The following MCF2L2 variants were observed in gnomAD, a reference collection of about 807,000 sequenced individuals.
MCF2L2 encodes probable guanine nucleotide exchange factor MCF2L2.
A neutral mutation model predicts 150.2 loss-of-function variants in MCF2L2; 102 were observed. The ratio of observed to expected loss-of-function variants is 0.68; its 90% CI spans 0.58 to 0.80. MCF2L2 has a LOEUF of 0.80. MCF2L2 is among the 30% of genes least tolerant of loss of function. The pLI is 0.00. For missense variants in MCF2L2, 1,256 were observed against 1,372.8 expected (o/e 0.91, Z 1.34); for synonymous variants, 465 against 491.3 (o/e 0.95, Z 0.71).
chr3:183,387,155 C>T (rs956903579), intron 2 of MCF2L2, among the ~76,000 whole-genome samples: 2 of 151,704 alleles, frequency 1.3e-5, no homozygotes, highest in Admixed American at 6.6e-5. Context: ...TCTCAGTTAA[C>T]TCAGGAGGCT....
chr3:183,353,559 GC>G (rs563510562), intron 3 of MCF2L2, among the ~76,000 whole-genome samples: 54 of 152,336 alleles, frequency 3.5e-4, no homozygotes, highest in African/African-American at 1.2e-3. Flanking sequence ...GGAAGGCAAA[GC>G]GGGGCAGGCA....
At position 183,395,518 on chromosome 3, in the gene MCF2L2, C is replaced by A. The variant is rs114458315; in HGVS notation, c.77-5739G>T. 5.4e-3 allele frequency among the ~76,000 whole-genome samples: 829 copies of A among 152,240 alleles called. 2 individuals carry two copies. Among genetic ancestry groups the A allele is most frequent in the African/African-American group, 0.019 (793 of 41,540 alleles). On this transcript the variant is annotated intron_variant, in intron 1 of 29. Transcript: ENST00000328913. The stretch of plus-strand genomic sequence containing the variant: ...GCCTTTATTTTTTATGCTATTGGTA[C>A]TTTATTGAAGTATAATTTACATGCA...
chr3:183,339,379 CTGT>C (rs1398182841), intron 4 of MCF2L2, among the ~76,000 whole-genome samples: 1 of 152,030 alleles, frequency 6.6e-6, no homozygotes, highest in Admixed American at 6.6e-5. Context: ...GCTTTTATTC[CTGT>C]TATTAATAAA....
At chr3:183,381,645 G>A (rs998032940) in intron 2 of MCF2L2, among the ~76,000 whole-genome samples, 3 of 152,174 alleles carry the variant, frequency 2.0e-5, no homozygotes, top group Admixed American at 2.0e-4. Flanking sequence ...ACCAATTGCT[G>A]TAGAACGAAA....
intron 15 of MCF2L2, among the ~76,000 whole-genome samples, chr3:183,252,053 G>T (rs538430232): frequency 1.8e-4 from 27 of 149,336 alleles, no homozygotes; most frequent in Admixed American, 4.7e-4. Flanking sequence ...CCACTGTTTT[G>T]GTCAGTTTGT....
intron 21 of MCF2L2, among the ~76,000 whole-genome samples, chr3:183,217,632 G>T (rs539676689): frequency 1.3e-5 from 2 of 152,274 alleles, no homozygotes; most frequent in South Asian, 4.1e-4. Context: ...CATAGAGGCT[G>T]CTAAGTGGAA....
chr3:183,296,899 T>C (rs1728536187), intron 12 of MCF2L2, 77 bp downstream of exon 12: 13 of 1,479,350 alleles, frequency 8.8e-6, no homozygotes, highest in Non-Finnish European at 1.2e-5. Flanking sequence ...GTGTGTACTT[T>C]ATCAGGAAGA....
chr3:183,368,791 C>T (rs1577097927), intron 3 of MCF2L2, among the ~76,000 whole-genome samples: 1 of 152,208 alleles, frequency 6.6e-6, no homozygotes, highest in East Asian at 1.9e-4. Context: ...TATTTTTCCT[C>T]TCTGGTTCTT....
intron 22 of MCF2L2, among the ~76,000 whole-genome samples, chr3:183,209,109 T>C (rs1320536654): frequency 6.6e-6 from 1 of 152,248 alleles, no homozygotes; most frequent in African/African-American, 2.4e-5. Context: ...GAAGGGTGGA[T>C]AGGTCCATGA....
intron 15 of MCF2L2, among the ~76,000 whole-genome samples, chr3:183,231,443 T>C (rs1723554948): frequency 6.7e-6 from 1 of 149,156 alleles, no homozygotes. Context: ...TCCAGCTTTC[T>C]GCTCACATCA....
chr3:183,207,552 C>G, intron 23 of MCF2L2, 56 bp downstream of exon 23: 1 of 1,357,140 alleles, frequency 7.4e-7, no homozygotes, highest in Non-Finnish European at 1.0e-6. Flanking sequence ...ATAAGGAAAA[C>G]GATCTCTCTC....
At chr3:183,229,980 G>A (rs1432786014) in intron 16 of MCF2L2, among the ~76,000 whole-genome samples, 199 bp from the exon 17 acceptor site, 1 of 152,072 alleles carries the variant, frequency 6.6e-6, no homozygotes, top group Non-Finnish European at 1.5e-5. Flanking sequence ...ATGGCTTAAT[G>A]GCAATGATCA....
intron 9 of MCF2L2, chr3:183,310,546 C>A: frequency 3.6e-6 from 1 of 276,486 alleles, no homozygotes; most frequent in South Asian, 3.1e-5. Context: ...GCCTGTAATT[C>A]CAGCTACTTG....
At chr3:183,205,795 A>T in intron 25 of MCF2L2, 81 bp downstream of exon 25, 1 of 1,047,028 alleles carries the variant, frequency 9.6e-7, no homozygotes, top group Non-Finnish European at 1.4e-6. Flanking sequence ...ATTTTCTTTC[A>T]CAATATCCCC....
intron 15 of MCF2L2, among the ~76,000 whole-genome samples, chr3:183,245,679 G>A (rs1357471677): frequency 6.6e-6 from 1 of 152,134 alleles, no homozygotes; most frequent in Non-Finnish European, 1.5e-5. Context: ...TCCTTCTTCT[G>A]TTTTGATTAG....
intron 21 of MCF2L2, among the ~76,000 whole-genome samples, chr3:183,216,629 G>A (rs868863560): frequency 3.5e-5 from 4 of 112,908 alleles, no homozygotes; most frequent in African/African-American, 1.5e-4. Flanking sequence ...GAGCGAGAGA[G>A]AGTTTCACTC....
intron 1 of MCF2L2, among the ~76,000 whole-genome samples, chr3:183,415,981 C>T (rs566655244): frequency 7.9e-5 from 12 of 152,036 alleles, no homozygotes; most frequent in Non-Finnish European, 1.3e-4. Context: ...ATAAAAATTT[C>T]TAGTATAGCA....
intron 22 of MCF2L2, among the ~76,000 whole-genome samples, chr3:183,214,709 G>A (rs549417528): frequency 7.2e-5 from 11 of 151,944 alleles, no homozygotes; most frequent in Non-Finnish European, 1.2e-4. Context: ...AAACTTGGCC[G>A]GGCACGATGG....
At chr3:183,419,184 C>T (rs1025881925) in intron 1 of MCF2L2, among the ~76,000 whole-genome samples, 1 of 152,252 alleles carries the variant, frequency 6.6e-6, no homozygotes, top group Non-Finnish European at 1.5e-5. Context: ...CCCCTTTTAG[C>T]CACAGCTACA....
Sources: gnomAD v4.1 joint callset for allele counts (sites outside exome capture counted in the v4.1 genomes callset) on GRCh38, gnomAD v4.1.1 for gene constraint, MANE v1.5 for transcripts, NCBI Gene and HGNC (gene_info 2026-07-23, HGNC 2026-07-21) for gene names.